ANK2: variants seen among roughly 807,000 people sequenced by gnomAD.
The protein encoded by ANK2 is ankyrin 2, also known as ankyrin-2.
ANK2 carries 83 observed loss-of-function variants against 360.5 expected under a neutral mutation model. The ratio of observed to expected loss-of-function variants is 0.23; its 90% CI spans 0.19 to 0.28. The LOEUF is 0.28. ANK2 is among the 10% of genes least tolerant of loss of function. The pLI, the probability that ANK2 is intolerant of heterozygous loss-of-function variation, is 1.00. For synonymous variants in ANK2, 1,740 were observed against 1,759.5 expected, an observed-to-expected ratio of 0.99 and a Z score of 0.28; for missense variants, 4,201 against 4,795.7, an observed-to-expected ratio of 0.88 and a Z score of 3.66.
chr4:112,864,803 C>T (rs886524112), intron 1 of ANK2, among the ~76,000 whole-genome samples: 50 of 150,510 alleles, frequency 3.3e-4, no homozygotes, highest in Admixed American at 3.3e-3. Flanking sequence ...GAGGCCGAGG[C>T]GGGCGGATCA....
intron 2 of ANK2, among the ~76,000 whole-genome samples, chr4:112,918,130 T>G (rs1199216874): frequency 1.3e-5 from 2 of 152,150 alleles, no homozygotes; most frequent in African/African-American, 2.4e-5. Flanking sequence ...TTCTGAGTAG[T>G]CACCTATTCA....
At chr4:113,315,670 G>C (rs941934202) in intron 24 of ANK2, among the ~76,000 whole-genome samples, 3 of 152,084 alleles carry the variant, frequency 2.0e-5, no homozygotes, top group African/African-American at 7.2e-5. Flanking sequence ...AGGCCAAGGT[G>C]GGCGGATCAC....
At chr4:113,170,163 A>G (rs193262879) in intron 1 of ANK2, among the ~76,000 whole-genome samples, 3 of 152,326 alleles carry the variant, frequency 2.0e-5, no homozygotes, top group East Asian at 3.9e-4. Flanking sequence ...GGAAATTACT[A>G]TTGGGATAGA....
chr4:113,056,646 T>C (rs1293439670), intron 1 of ANK2, among the ~76,000 whole-genome samples: 1 of 152,176 alleles, frequency 6.6e-6, no homozygotes, highest in Non-Finnish European at 1.5e-5. Flanking sequence ...GACAATCTTT[T>C]GATAGAAAAA....
intron 1 of ANK2, among the ~76,000 whole-genome samples, chr4:112,865,567 A>G (rs948067483): frequency 6.6e-6 from 1 of 152,234 alleles, no homozygotes; most frequent in African/African-American, 2.4e-5. Context: ...ACTGCTTACA[A>G]AACAGTTAGG....
At chr4:112,886,261 A>G (rs115338965) in intron 1 of ANK2, among the ~76,000 whole-genome samples, 2,553 of 152,254 alleles carry the variant, frequency 0.017, 36 homozygotes, top group Middle Eastern at 0.031. Flanking sequence ...GAGATGTTCA[A>G]GTTCTGGCTC....
intron 1 of ANK2, among the ~76,000 whole-genome samples, chr4:112,883,727 G>GAACT (rs2077448456): frequency 6.6e-6 from 1 of 151,898 alleles, no homozygotes; most frequent in African/African-American, 2.4e-5. Flanking sequence ...AGAGGACTTA[G>GAACT]AACTCCATAT....
chr4:113,137,129 C>T lies in ANK2; in HGVS notation c.85-37287C>T, dbSNP rs145237993. Among the ~76,000 whole-genome samples, 782 of 152,226 alleles carry T rather than the reference C, an allele frequency of 5.1e-3. 5 individuals carry two copies. Among genetic ancestry groups the T allele is most frequent in the Middle Eastern group, 0.02 (6 of 294 alleles). On this transcript the variant is annotated intron_variant, in intron 1 of 45. Transcript: ENST00000357077. ...GATTACATGTGTGAGCCACTGCGCC[C>T]GACCTAGATTTTCGCTTTTATCTTG...
chr4:112,862,169 A>G (rs1028216918), intron 1 of ANK2, among the ~76,000 whole-genome samples: 1 of 152,186 alleles, frequency 6.6e-6, no homozygotes, highest in Non-Finnish European at 1.5e-5. Flanking sequence ...AGTAAAAGTT[A>G]GTGATCACCA....
intron 2 of ANK2, among the ~76,000 whole-genome samples, chr4:113,023,551 A>G (rs1397352025): frequency 6.6e-6 from 1 of 152,240 alleles, no homozygotes; most frequent in African/African-American, 2.4e-5. Flanking sequence ...ATCATTTCTC[A>G]GAGGTATTGT....
chr4:112,904,354 C>G (rs2084490639), intron 1 of ANK2: 2 of 599,082 alleles, frequency 3.3e-6, no homozygotes, highest in Non-Finnish European at 5.4e-6. Context: ...TCCATCAGTG[C>G]CTCCTATAAG....
rs2153633575 is a variant in ANK2, at chr4:113,258,065, C to G, written c.1204C>G (p.Leu402Val). 1.2e-6 allele frequency: 2 copies of G among 1,614,096 alleles called. No individual in the cohort carries two copies. Among genetic ancestry groups the G allele is most frequent in the Non-Finnish European group, 1.7e-6 (2 of 1,179,926 alleles). ...TTTTGCACAGAATGGTTTTACTCCA[C>G]TGCACATTGCCTGCAAGAAAAACCG... is the stretch of plus-strand genomic sequence containing the variant. Reference protein sequence around the residue: ...NARALNGFTPLHIACKKNRIK... With the variant: ...NARALNGFTPVHIACKKNRIK... The change falls in exon 12 of 46, where the codon CTG becomes GTG. Residue 402 changes from leucine (L) to valine (V), a missense_variant. Leu to Val is a conservative substitution (Grantham distance 32, BLOSUM62 1). Around this residue, in one of 4 missense-constraint regions of ANK2, gnomAD observed 1,268 missense variants for 1,650.8 expected, o/e 0.77. Transcript: ENST00000357077.
At chr4:113,014,416 A>G (rs886101429) in intron 2 of ANK2, among the ~76,000 whole-genome samples, 2 of 152,208 alleles carry the variant, frequency 1.3e-5, no homozygotes, top group Admixed American at 6.5e-5. Flanking sequence ...CCCATTCTAC[A>G]GGTTAGGACA....
At chr4:113,083,770 ATATTT>A (rs1273919655) in intron 1 of ANK2, among the ~76,000 whole-genome samples, 2 of 152,212 alleles carry the variant, frequency 1.3e-5, no homozygotes, top group East Asian at 1.9e-4. Context: ...AGAATTTAAA[ATATTT>A]TATTTTATAT....
chr4:112,748,109 T>C, the ANK2 span, among the ~76,000 whole-genome samples: 4 of 152,114 alleles, frequency 2.6e-5, no homozygotes, highest in African/African-American at 9.7e-5. Flanking sequence ...ATCAGGAAAA[T>C]GTGGTGATTA....
At chr4:113,349,809 A>G (rs1588806231) in intron 36 of ANK2, among the ~76,000 whole-genome samples, 1 of 152,156 alleles carries the variant, frequency 6.6e-6, no homozygotes, top group South Asian at 2.1e-4. Flanking sequence ...CTGGCTTATT[A>G]TTAACGATAA....
At chr4:112,987,515 A>G (rs1440778265) in intron 2 of ANK2, among the ~76,000 whole-genome samples, 1 of 152,094 alleles carries the variant, frequency 6.6e-6, no homozygotes, top group African/African-American at 2.4e-5. Context: ...TCTTTGGAGA[A>G]GGGAATGCTG....
chr4:112,738,847 G>T, the ANK2 span: 1 of 642,608 alleles, frequency 1.6e-6, no homozygotes, highest in Non-Finnish European at 2.9e-6. Flanking sequence ...CCCAACATTG[G>T]TTATGGGAGC....
Position 113,168,892 on chromosome 4 carries a change from A to G in ANK2, c.85-5524A>G, listed in dbSNP as rs534785661. The stretch of plus-strand genomic sequence containing the variant: ...GTACAAGCATTCAGATATCACAAAG[A>G]GAGTTCTCTGCAGCATCTTCATCAC... On this transcript the variant is annotated intron_variant, in intron 1 of 45. Transcript: ENST00000357077. Among the ~76,000 whole-genome samples, 4 of 152,298 alleles carry G rather than the reference A, an allele frequency of 2.6e-5. No homozygotes were observed. In the East Asian group the frequency reaches 5.8e-4, roughly 22 times the overall value.
Sources: allele counts gnomAD v4.1 joint callset (sites outside exome capture counted in the v4.1 genomes callset), GRCh38; gene constraint gnomAD v4.1.1; regional missense constraint gnomAD v4.1.1; transcripts MANE v1.5; gene names NCBI Gene and HGNC (gene_info 2026-07-23, HGNC 2026-07-21).